The following RARS2 variants were observed in gnomAD, a reference collection of about 807,000 sequenced individuals.
RARS2 encodes probable arginine--tRNA ligase, mitochondrial.
A neutral mutation model predicts 88.5 loss-of-function variants in RARS2; 67 were observed. The observed-to-expected ratio is 0.76, with a 90% CI of 0.62 to 0.93. The LOEUF (loss-of-function observed/expected upper bound fraction) is 0.93, where lower values mean the gene tolerates loss of function less well. Ranked by LOEUF, RARS2 falls within the 40% of genes least tolerant of loss-of-function variation. The pLI is 0.00. For synonymous variants in RARS2, 239 were observed against 230.3 expected, an observed-to-expected ratio of 1.04 and a Z score of -0.34; for missense variants, 664 against 684.2, an observed-to-expected ratio of 0.97 and a Z score of 0.33.
chr6:87,528,632 C>T (rs1233332519), intron 10 of RARS2, among the ~76,000 whole-genome samples: 1 of 152,076 alleles, frequency 6.6e-6, no homozygotes, highest in East Asian at 1.9e-4. Context: ...GTGAAATAAA[C>T]GATGCACAGA....
At chr6:87,520,106 A>G in intron 13 of RARS2, 74 bp downstream of exon 13, 1 of 1,264,138 alleles carries the variant, frequency 7.9e-7, no homozygotes, top group Non-Finnish European at 1.2e-6. Flanking sequence ...TCTGAGTGAA[A>G]AACTTTAACC....
chr6:87,560,444 G>C (rs1173791962), intron 4 of RARS2, among the ~76,000 whole-genome samples: 2 of 152,104 alleles, frequency 1.3e-5, no homozygotes, highest in African/African-American at 2.4e-5. Flanking sequence ...AGTTTCTCTT[G>C]AAAGTACTGC....
At position 87,562,734 on chromosome 6, in the gene RARS2, T is replaced by A; in HGVS notation, c.265A>T (p.Asn89Tyr). ...SEISTGQRTV[N>Y]FKINRELLTK... ...AAGAGCTCTCTGTTTATTTTGAAATTTACAGTCCTTTGACCAGTACTGATT... is the reference window on the plus strand; with the variant it reads ...AAGAGCTCTCTGTTTATTTTGAAATATACAGTCCTTTGACCAGTACTGATT... The change falls in exon 4 of 20, where the codon AAT (asparagine) becomes TAT (tyrosine). Residue 89 changes from asparagine to tyrosine, a missense_variant. By Grantham distance (143) the Asn-to-Tyr change is moderately radical. Transcript: ENST00000369536. 6.2e-7 allele frequency: 1 copy of A among 1,613,422 alleles called. No individual in the cohort carries two copies.
Position 87,542,013 on chromosome 6 carries a change from A to C in RARS2, c.536-19T>G. The C allele has an allele frequency of 6.3e-7, 1 of 1,598,112 alleles. No homozygotes were observed. The highest frequency in any genetic ancestry group is 8.6e-7 in the Non-Finnish European group (1 of 1,166,078). On this transcript the variant is annotated intron_variant, in intron 7 of 19. Transcript: ENST00000369536. ...AGAAGACCTACCATGATAATCCGTA[A>C]ATGAAAAATTATAAAGTTGAACAAC... is the stretch of plus-strand genomic sequence containing the variant.
At chr6:87,559,950 T>C (rs1343327775) in intron 4 of RARS2, among the ~76,000 whole-genome samples, 2 of 152,226 alleles carry the variant, frequency 1.3e-5, no homozygotes, top group Non-Finnish European at 2.9e-5. Context: ...TGTGTCACAA[T>C]TGCACAAATA....
intron 4 of RARS2, 23 bp downstream of exon 4, chr6:87,562,679 G>A: frequency 6.5e-7 from 1 of 1,541,660 alleles, no homozygotes; most frequent in Non-Finnish European, 9.0e-7. Flanking sequence ...AAGCACAATG[G>A]CTGGATATTA....
At chr6:87,533,797 C>A (rs917114617) in intron 8 of RARS2, among the ~76,000 whole-genome samples, 1 of 152,156 alleles carries the variant, frequency 6.6e-6, no homozygotes, top group Non-Finnish European at 1.5e-5. Flanking sequence ...AAGAACTAAG[C>A]ATGAAAATTA....
At position 87,555,252 on chromosome 6, in the gene RARS2, A is replaced by G. The variant is rs527710830; in HGVS notation, c.395+156T>C. ...AAATATATTTTTTATTCACAGTTCA[A>G]TGATTGATTCACTGTGATTTCAAGA... On this transcript the variant is annotated intron_variant, in intron 5 of 19. Transcript: ENST00000369536. Among the ~76,000 whole-genome samples the G allele has an allele frequency of 3.9e-5, 6 of 152,242 alleles. No individual in the cohort carries two copies. In the East Asian group the frequency reaches 1.2e-3, roughly 29 times the overall value.
In RARS2 at chr6:87,589,931, A is replaced by G. The variant is rs1219664620; in HGVS notation, c.27T>C (p.Ile9=). 1 of 1,614,224 alleles carries G rather than the reference A, an allele frequency of 6.2e-7. No homozygotes were observed. Among genetic ancestry groups the G allele is most frequent in the South Asian group, 1.1e-5 (1 of 91,084 alleles). The change falls in exon 1 of 20, where the codon ATT becomes ATC. Residue 9 remains isoleucine (I), a synonymous_variant. Coordinates refer to ENST00000369536, the MANE Select transcript of RARS2 (RefSeq NM_020320.5). ...GCTCCGGGATCCATACCTGGCAAGC[A>G]ATAGCGCGGCGAAAGCCGCACGCCA... MACGFRRA[I]ACQLSRVLNL...
chr6:87,521,225 G>A (rs1227623033), intron 12 of RARS2, among the ~76,000 whole-genome samples: 2 of 152,178 alleles, frequency 1.3e-5, no homozygotes, highest in Admixed American at 1.3e-4. Context: ...ATAGTGACCT[G>A]TATATATTAA....
At chr6:87,517,641 C>G (rs1772245562) in intron 17 of RARS2, among the ~76,000 whole-genome samples, 1 of 152,146 alleles carries the variant, frequency 6.6e-6, no homozygotes, top group South Asian at 2.1e-4. Flanking sequence ...CCATCCACAT[C>G]CCTTCTAGAG....
At chr6:87,517,576 AGG>A (rs1172279699) in intron 17 of RARS2, among the ~76,000 whole-genome samples, 2 of 152,208 alleles carry the variant, frequency 1.3e-5, no homozygotes, top group Non-Finnish European at 2.9e-5. Context: ...TTCTGATTCC[AGG>A]AAAGAACCAC....
intron 17 of RARS2, 116 bp downstream of exon 17, chr6:87,518,053 A>T: frequency 6.3e-7 from 1 of 1,594,402 alleles, no homozygotes; most frequent in Admixed American, 1.7e-5. Context: ...TACCTTTGGG[A>T]AAAGTCTAGA....
At chr6:87,514,593 A>C in intron 19 of RARS2, 94 bp from the exon 20 acceptor site, 1 of 1,129,478 alleles carries the variant, frequency 8.9e-7, no homozygotes, top group Non-Finnish European at 1.3e-6. Flanking sequence ...TTTCTAGTTT[A>C]AAGCAGGAAC....
Position 87,530,840 on chromosome 6 carries a change from A to G in RARS2, c.715T>C (p.Ser239Pro), listed in dbSNP as rs1273146842. ...AAGTCCCGAAATTTTTGCCACAGTG[A>G]AAGTGCTTGCACATCGCCCAGTTCC... ...RLELGDVQAL[S>P]LWQKFRDLSI... The change falls in exon 9 of 20, where the codon TCA (serine) becomes CCA (proline). Residue 239 changes from serine (S) to proline (P), a missense_variant. Coordinates refer to ENST00000369536, the MANE Select transcript of RARS2 (RefSeq NM_020320.5). 6.2e-7 allele frequency: 1 copy of G among 1,614,060 alleles called. No homozygotes were observed. The highest frequency in any genetic ancestry group is 8.5e-7 in the Non-Finnish European group (1 of 1,180,026).
At chr6:87,521,640 C>T (rs2128018137) in intron 11 of RARS2, 116 bp from the exon 12 acceptor site, 1 of 753,174 alleles carries the variant, frequency 1.3e-6, no homozygotes, top group Non-Finnish European at 2.4e-6. Context: ...ATACCACAGC[C>T]TGAGGAATTC....
At position 87,577,417 on chromosome 6, in the gene RARS2, A is replaced by G. The variant is rs565495224; in HGVS notation, c.37-7827T>C. Reference sequence around the variant, plus strand: ...CACCTTTGTTGTCCAGGCTGGTCTCAAACTCCTGGGTTCAAGCAATCATCC... The same window carrying G: ...CACCTTTGTTGTCCAGGCTGGTCTCGAACTCCTGGGTTCAAGCAATCATCC... On this transcript the variant is annotated intron_variant, in intron 1 of 19. Transcript: ENST00000369536. Among the ~76,000 whole-genome samples, 5 of 152,122 alleles carry G rather than the reference A, an allele frequency of 3.3e-5. No individual in the cohort carries two copies. The South Asian group carries it at 1.0e-3, about 32-fold the overall frequency.
rs1267317340 is a variant in RARS2 at position 87,514,113 on chromosome 6, A to G, written c.*300T>C. Among the ~76,000 whole-genome samples, 2 of 152,162 alleles carry G rather than the reference A, an allele frequency of 1.3e-5. No individual in the cohort carries two copies. The highest frequency in any genetic ancestry group is 2.1e-4 in the South Asian group (1 of 4,834). ...GATAACCTGAGGTCGGGAGTGCAAG[A>G]CCAGCCTGACCAACATAGAGAAACC... On this transcript the variant is annotated 3_prime_UTR_variant, in exon 20 of 20. Transcript: ENST00000369536.
intron 1 of RARS2, among the ~76,000 whole-genome samples, chr6:87,584,370 C>T (rs60135569): frequency 6.6e-6 from 1 of 152,166 alleles, no homozygotes. Flanking sequence ...AGACCCTTTG[C>T]AACTCCTGAC....
Sources: gnomAD v4.1 joint callset for allele counts (sites outside exome capture counted in the v4.1 genomes callset) on GRCh38, gnomAD v4.1.1 for gene constraint, MANE v1.5 for transcripts, NCBI Gene and HGNC (gene_info 2026-07-23, HGNC 2026-07-21) for gene names.